Variants in ACSBG1 observed in about 807,000 individuals in gnomAD.
ACSBG1 encodes the protein acyl-CoA synthetase bubblegum family member 1, also known as long-chain-fatty-acid--CoA ligase ACSBG1.
ACSBG1 carries 39 observed loss-of-function variants against 80.2 expected under a neutral mutation model. The observed-to-expected ratio is 0.49, with a 90% CI of 0.38 to 0.64. ACSBG1 has a LOEUF of 0.64. Ranked by LOEUF, ACSBG1 falls within the 30% of genes least tolerant of loss-of-function variation. The pLI is 0.00. For missense variants in ACSBG1, 828 were observed against 966.4 expected (o/e 0.86, Z 1.90); for synonymous variants, 392 against 379.5 (o/e 1.03, Z -0.38).
At chr15:78,215,726 G>GAAA (rs1309338828) in intron 1 of ACSBG1, among the ~76,000 whole-genome samples, 1 of 45,986 alleles carries the variant, frequency 2.2e-5, no homozygotes, top group African/African-American at 7.8e-5. Context: ...GAAAGAAAGA[G>GAAA]AAAGAAAGAA....
chr15:78,174,783 TCATC>T, intron 11 of ACSBG1: 1 of 510,864 alleles, frequency 2.0e-6, no homozygotes, highest in Non-Finnish European at 3.5e-6. Context: ...CTCAGACATC[TCATC>T]CATGGCCCCC....
chr15:78,232,237 G>C lies in ACSBG1; in HGVS notation c.131+2134C>G, dbSNP rs16969618. On this transcript the variant is annotated intron_variant, in intron 1 of 13. Coordinates refer to ENST00000258873, the MANE Select transcript of ACSBG1 (RefSeq NM_015162.5). ...GGCGTTGTATATTTATTTGTACAGA[G>C]GATGCTATTGAGGCTCAGAAAGGTT... Among the ~76,000 whole-genome samples, 415 of 152,332 alleles carry C rather than the reference G, an allele frequency of 2.7e-3. 2 individuals carry two copies. The highest frequency in any genetic ancestry group is 9.6e-3 in the African/African-American group (399 of 41,572).
intron 1 of ACSBG1, chr15:78,209,078 C>CCTGT (rs71148503): frequency 0.4 from 181,778 of 449,644 alleles, 39,065 homozygotes; most frequent in East Asian, 0.66. Context: ...TCCAGGGAGC[C>CCTGT]CTGTCTGTCA....
At chr15:78,197,439 G>A (rs1337987214) in intron 2 of ACSBG1, among the ~76,000 whole-genome samples, 1 of 151,976 alleles carries the variant, frequency 6.6e-6, no homozygotes, top group African/African-American at 2.4e-5. Flanking sequence ...CAGAGAGAGG[G>A]CCCGCATGGT....
intron 8 of ACSBG1, 89 bp from the exon 9 acceptor site, chr15:78,181,025 C>T: frequency 6.8e-7 from 1 of 1,481,428 alleles, no homozygotes; most frequent in Non-Finnish European, 9.1e-7. Flanking sequence ...GCCGGTGGCA[C>T]ACACATGCTC....
At chr15:78,223,810 T>C (rs1015906355) in intron 1 of ACSBG1, among the ~76,000 whole-genome samples, 13 of 152,206 alleles carry the variant, frequency 8.5e-5, no homozygotes, top group African/African-American at 2.7e-4. Flanking sequence ...TATTATCCAG[T>C]TGGGCTCTAA....
intron 2 of ACSBG1, among the ~76,000 whole-genome samples, chr15:78,195,571 GA>G (rs994909097): frequency 1.7e-4 from 26 of 152,274 alleles, no homozygotes; most frequent in African/African-American, 6.3e-4. Context: ...AATTTCAGGG[GA>G]AAGATGAGGA....
intron 2 of ACSBG1, among the ~76,000 whole-genome samples, chr15:78,207,047 C>G (rs12441219): frequency 0.21 from 32,049 of 152,256 alleles, 4,214 homozygotes; most frequent in African/African-American, 0.37. Context: ...GAGCCTAAGC[C>G]AGTTGGTGGG....
chr15:78,194,984 C>T (rs955931128), intron 2 of ACSBG1, among the ~76,000 whole-genome samples: 1 of 152,204 alleles, frequency 6.6e-6, no homozygotes, highest in Non-Finnish European at 1.5e-5. Flanking sequence ...GGAGGACAGA[C>T]GGAAGTCCTA....
chr15:78,192,686 T>G (rs2075066851), intron 5 of ACSBG1, among the ~76,000 whole-genome samples: 1 of 152,222 alleles, frequency 6.6e-6, no homozygotes, highest in African/African-American at 2.4e-5. Context: ...GAAATGAGGA[T>G]AGGCACCTGC....
In ACSBG1 at chr15:78,168,820, G is replaced by A. The variant is rs2074783796; in HGVS notation, c.*2624C>T. ...TGAGGAACTAAATGAAAGAGCAGCC[G>A]AGTAACTTGCCCAGGTGGCATCTCA... On this transcript the variant is annotated 3_prime_UTR_variant, in exon 14 of 14. Coordinates refer to ENST00000258873, the MANE Select transcript of ACSBG1 (RefSeq NM_015162.5). The A allele has an allele frequency of 8.6e-6, 6 of 699,246 alleles. No individual in the cohort carries two copies. The highest frequency in any genetic ancestry group is 3.4e-5 in the South Asian group (2 of 59,188). The allele number at this position is 699,246 out of a possible 1,614,324, so 43.3% of individuals were successfully genotyped here. A position where few individuals can be genotyped will look rare whatever the true frequency, so the allele number is the denominator to read the frequency against.
chr15:78,224,709 A>AGAC (rs201916378), intron 1 of ACSBG1, among the ~76,000 whole-genome samples: 5 of 152,020 alleles, frequency 3.3e-5, no homozygotes, highest in African/African-American at 4.8e-5. Flanking sequence ...CGACAGAGCG[A>AGAC]GACTCCGCCT....
At chr15:78,181,549 A>C (rs1431692004) in intron 8 of ACSBG1, among the ~76,000 whole-genome samples, 1 of 136,504 alleles carries the variant, frequency 7.3e-6, no homozygotes, top group African/African-American at 2.8e-5. Flanking sequence ...GCTGGAGTAC[A>C]GTGGCGTGAT....
intron 1 of ACSBG1, among the ~76,000 whole-genome samples, chr15:78,221,633 G>A (rs1023305223): frequency 6.6e-6 from 1 of 152,064 alleles, no homozygotes. Flanking sequence ...GTGTCGGGCT[G>A]GGGGACAGTT....
intron 1 of ACSBG1, among the ~76,000 whole-genome samples, chr15:78,215,746 GAAAGAAAGAAAGA>G (rs2075304638): frequency 1.4e-5 from 2 of 145,198 alleles, no homozygotes; most frequent in Admixed American, 6.9e-5. Context: ...AAGAAAGAAA[GAAAGAAAGAAAGA>G]AAGAAAGAAA....
At chr15:78,210,486 CCTG>C (rs2075257683) in intron 1 of ACSBG1, among the ~76,000 whole-genome samples, 4 of 152,350 alleles carry the variant, frequency 2.6e-5, no homozygotes, top group Admixed American at 2.6e-4. Context: ...AACAGGCTTT[CCTG>C]ACCTGACTTG....
intron 1 of ACSBG1, among the ~76,000 whole-genome samples, chr15:78,215,726 GA>G (rs1309338828): frequency 2.2e-5 from 1 of 45,986 alleles, no homozygotes; most frequent in Non-Finnish European, 5.3e-5. Flanking sequence ...GAAAGAAAGA[GA>G]AAGAAAGAAA....
At chr15:78,189,307 C>T (rs1465680195) in intron 5 of ACSBG1, among the ~76,000 whole-genome samples, 1 of 151,008 alleles carries the variant, frequency 6.6e-6, no homozygotes, top group Non-Finnish European at 1.5e-5. Context: ...TTGACCCAGC[C>T]ATCCCATTAC....
intron 13 of ACSBG1, 120 bp downstream of exon 13, chr15:78,173,473 C>A: frequency 1.4e-6 from 2 of 1,408,268 alleles, no homozygotes; most frequent in East Asian, 2.3e-5. Flanking sequence ...TGGGTGTCAC[C>A]CAGATTCCTG....
Sources: allele counts gnomAD v4.1 joint callset (sites outside exome capture counted in the v4.1 genomes callset), GRCh38; gene constraint gnomAD v4.1.1; transcripts MANE v1.5; gene names NCBI Gene and HGNC (gene_info 2026-07-23, HGNC 2026-07-21).